The following DSCAM variants were observed in gnomAD, a reference collection of about 807,000 sequenced individuals.
The protein encoded by DSCAM is cell adhesion molecule DSCAM.
Under a neutral mutation model 217.7 loss-of-function variants are expected in DSCAM, and 47 were observed. That is an observed-to-expected ratio of 0.22 (90% confidence interval 0.17 to 0.28). The LOEUF (loss-of-function observed/expected upper bound fraction) is 0.28, where lower values mean the gene tolerates loss of function less well. DSCAM is among the 10% of genes least tolerant of loss of function. The pLI is 1.00. For missense variants in DSCAM, 2,080 were observed against 2,618.3 expected (o/e 0.79, Z 4.49); for synonymous variants, 1,056 against 1,015.3 (o/e 1.04, Z -0.76).
intron 3 of DSCAM, among the ~76,000 whole-genome samples, chr21:40,462,567 A>C (rs1187096518): frequency 6.6e-6 from 1 of 152,230 alleles, no homozygotes; most frequent in African/African-American, 2.4e-5. Context: ...TAGAATGCTT[A>C]GGCAGGGGAG....
intron 20 of DSCAM, among the ~76,000 whole-genome samples, chr21:40,105,603 C>A (rs2089809518): frequency 6.6e-6 from 1 of 152,164 alleles, no homozygotes; most frequent in South Asian, 2.1e-4. Flanking sequence ...GCCTCCCCAG[C>A]CATGCTGAAC....
chr21:40,432,221 T>TAAATAAATAGATAA (rs1473127132), intron 3 of DSCAM, among the ~76,000 whole-genome samples: 1 of 149,690 alleles, frequency 6.7e-6, no homozygotes. Context: ...AAAATAAATA[T>TAAATAAATAGATAA]ATAAATAAAT....
At chr21:40,479,834 C>T (rs1352580509) in intron 3 of DSCAM, among the ~76,000 whole-genome samples, 3 of 152,106 alleles carry the variant, frequency 2.0e-5, no homozygotes, top group Non-Finnish European at 4.4e-5. Context: ...AAATGAATAT[C>T]CTAGCAGTGA....
chr21:40,370,311 A>G (rs887760339), intron 3 of DSCAM, among the ~76,000 whole-genome samples: 2 of 151,400 alleles, frequency 1.3e-5, no homozygotes, highest in Non-Finnish European at 2.9e-5. Flanking sequence ...CCGGTGGGTA[A>G]CTCAGTACAC....
At chr21:40,593,806 C>T (rs1188851937) in intron 3 of DSCAM, among the ~76,000 whole-genome samples, 1 of 152,172 alleles carries the variant, frequency 6.6e-6, no homozygotes, top group African/African-American at 2.4e-5. Flanking sequence ...AATTTCCAAG[C>T]GACCGAGTGA....
chr21:40,649,265 C>A lies in DSCAM; in HGVS notation c.508+43545G>T, dbSNP rs146359274. On this transcript the variant is annotated intron_variant, in intron 3 of 32. Transcript: ENST00000400454. ...ATTCCTCAAGGTTAGCCTCAGCCCC[C>A]ACCCTGTTGGGTTGTCCCTGCCACC... 2.0e-5 allele frequency among the ~76,000 whole-genome samples: 3 copies of A among 152,278 alleles called. No homozygotes were observed. The East Asian group carries it at 5.8e-4, about 30-fold the overall frequency.
At chr21:40,427,964 C>T (rs1009696305) in intron 3 of DSCAM, among the ~76,000 whole-genome samples, 3 of 152,172 alleles carry the variant, frequency 2.0e-5, no homozygotes, top group African/African-American at 7.2e-5. Context: ...ATCCTAAATT[C>T]TTCCAGACCT....
At chr21:40,509,402 C>T (rs997410320) in intron 3 of DSCAM, among the ~76,000 whole-genome samples, 7 of 152,160 alleles carry the variant, frequency 4.6e-5, no homozygotes, top group Non-Finnish European at 7.4e-5. Flanking sequence ...GGAGAAATAA[C>T]GGCTAGATCC....
intron 3 of DSCAM, among the ~76,000 whole-genome samples, chr21:40,376,539 AT>A (rs2074957431): frequency 1.4e-4 from 14 of 99,738 alleles, no homozygotes; most frequent in African/African-American, 5.1e-4. Flanking sequence ...ATAGATATCG[AT>A]ATATCTTATA....
At chr21:40,022,150 C>G (rs2088283901) in intron 32 of DSCAM, among the ~76,000 whole-genome samples, 1 of 152,182 alleles carries the variant, frequency 6.6e-6, no homozygotes, top group Non-Finnish European at 1.5e-5. Context: ...AGGCACCACA[C>G]TAGGGGAAAA....
intron 18 of DSCAM, among the ~76,000 whole-genome samples, chr21:40,138,270 C>T (rs575858298): frequency 2.8e-5 from 4 of 143,570 alleles, no homozygotes; most frequent in Admixed American, 6.9e-5. Flanking sequence ...TTGTGGTATG[C>T]GATGTGCATG....
At chr21:40,187,036 T>G (rs150336308) in intron 14 of DSCAM, 95 bp downstream of exon 14, 9 of 1,475,540 alleles carry the variant, frequency 6.1e-6, no homozygotes, top group Admixed American at 1.9e-5. Context: ...TCCTGTGAGC[T>G]GAGCTGTGCG....
At chr21:40,382,576 T>G (rs1233663667) in intron 3 of DSCAM, among the ~76,000 whole-genome samples, 3 of 152,132 alleles carry the variant, frequency 2.0e-5, no homozygotes, top group Non-Finnish European at 4.4e-5. Context: ...CTATAATGAG[T>G]TTACTGAGCT....
intron 29 of DSCAM, among the ~76,000 whole-genome samples, chr21:40,052,942 A>T (rs1284932809): frequency 6.6e-6 from 1 of 152,122 alleles, no homozygotes; most frequent in Admixed American, 6.5e-5. Context: ...ATACTTTTTA[A>T]AAAGCTTTTT....
At chr21:40,566,344 A>G (rs2076764169) in intron 3 of DSCAM, among the ~76,000 whole-genome samples, 1 of 152,216 alleles carries the variant, frequency 6.6e-6, no homozygotes, top group Admixed American at 6.5e-5. Context: ...GTAATATCAT[A>G]AAATCTTACT....
At chr21:40,054,663 T>C (rs1240316388) in intron 29 of DSCAM, among the ~76,000 whole-genome samples, 2 of 152,186 alleles carry the variant, frequency 1.3e-5, no homozygotes, top group Non-Finnish European at 2.9e-5. Flanking sequence ...CCTCAGGGTG[T>C]TTCCATGGGC....
intron 11 of DSCAM, among the ~76,000 whole-genome samples, chr21:40,213,585 T>C (rs369977602): frequency 2.6e-5 from 4 of 152,200 alleles, no homozygotes; most frequent in African/African-American, 9.7e-5. Context: ...ACATTTTTAT[T>C]TGGGTTCCAC....
At chr21:40,249,416 C>T (rs1472935495) in intron 11 of DSCAM, among the ~76,000 whole-genome samples, 1 of 152,152 alleles carries the variant, frequency 6.6e-6, no homozygotes. Flanking sequence ...CTTGCCGCTG[C>T]CATGTAAGAA....
In DSCAM at chr21:40,286,039, G is replaced by T. The variant is rs562828038; in HGVS notation, c.2183-9769C>A. Among the ~76,000 whole-genome samples the T allele has an allele frequency of 2.0e-5, 3 of 152,244 alleles. No homozygotes were observed. The South Asian group carries it at 6.2e-4, about 32-fold the overall frequency. On this transcript the variant is annotated intron_variant, in intron 10 of 32. Coordinates refer to ENST00000400454, the MANE Select transcript of DSCAM (RefSeq NM_001389.5). ...TAAACAACACAGAGCAAGACAAATGGTGAGTCTAGGAATGGGCATGGTGAG... is the reference window on the plus strand; with the variant it reads ...TAAACAACACAGAGCAAGACAAATGTTGAGTCTAGGAATGGGCATGGTGAG...
Sources: allele counts gnomAD v4.1 joint callset (sites outside exome capture counted in the v4.1 genomes callset), GRCh38; gene constraint gnomAD v4.1.1; transcripts MANE v1.5; gene names NCBI Gene and HGNC (gene_info 2026-07-23, HGNC 2026-07-21).